ADK: variants seen among roughly 807,000 people sequenced by gnomAD.
ADK encodes N6,N6-dimethyladenosine kinase.
ADK carries 24 observed loss-of-function variants against 44.7 expected under a neutral mutation model. The ratio of observed to expected loss-of-function variants is 0.54; its 90% CI spans 0.39 to 0.76. The LOEUF (loss-of-function observed/expected upper bound fraction) is 0.76. Ranked by LOEUF, ADK falls within the 30% of genes least tolerant of loss-of-function variation. The probability of loss-of-function intolerance (pLI) is 0.00; values close to 1 mark genes in which losing one functional copy is unlikely to be tolerated. For synonymous variants in ADK, 128 were observed against 142.6 expected (o/e 0.90, Z 0.73); for missense variants, 321 against 425.1 (o/e 0.76, Z 2.15).
chr10:74,499,723 A>G (rs1003911828), intron 6 of ADK, among the ~76,000 whole-genome samples: 2 of 152,098 alleles, frequency 1.3e-5, no homozygotes, highest in Non-Finnish European at 2.9e-5. Context: ...CTCTTCAAGC[A>G]TGAAAAGTAG....
chr10:74,547,258 A>G (rs1849853875), intron 7 of ADK, among the ~76,000 whole-genome samples: 1 of 151,900 alleles, frequency 6.6e-6, no homozygotes, highest in South Asian at 2.1e-4. Flanking sequence ...TTTGTTTTCC[A>G]GGATCATGGA....
Position 74,634,947 on chromosome 10 carries a change from G to GA in ADK, c.877+34462dup, listed in dbSNP as rs538744532. ...GTGGACAGAGCAAGACTCCATCTCAGAAAAAAAACCCACAAAAACAGAGAA... is the reference window on the plus strand; with the variant it reads ...GTGGACAGAGCAAGACTCCATCTCAGAAAAAAAAACCCACAAAAACAGAGAA... On this transcript the variant is annotated intron_variant, in intron 9 of 10. Transcript: ENST00000539909. 3.6e-4 allele frequency among the ~76,000 whole-genome samples: 55 copies of GA among 151,638 alleles called. No individual in the cohort carries two copies. The East Asian group carries it at 6.0e-3, about 17-fold the overall frequency.
chr10:74,223,421 A>AG (rs1844401373), intron 2 of ADK, among the ~76,000 whole-genome samples: 1 of 152,194 alleles, frequency 6.6e-6, no homozygotes, highest in Non-Finnish European at 1.5e-5. Context: ...ATGAGATTTG[A>AG]GGGGGGTCAA....
intron 4 of ADK, among the ~76,000 whole-genome samples, chr10:74,340,633 GAATAGAGTCAAGAAATAACATA>G (rs1841552812): frequency 1.3e-5 from 2 of 152,088 alleles, no homozygotes; most frequent in Admixed American, 1.3e-4. Context: ...CTGGGCATCA[GAATAGAGTCAAGAAATAACATA>G]AATAGAAATT....
chr10:74,611,790 G>A (rs929155224), intron 9 of ADK, among the ~76,000 whole-genome samples: 3 of 152,022 alleles, frequency 2.0e-5, no homozygotes, highest in South Asian at 2.1e-4. Flanking sequence ...CTATGCTGCT[G>A]CAAAGGACAT....
At chr10:74,535,177 T>C (rs1849408826) in intron 7 of ADK, among the ~76,000 whole-genome samples, 1 of 152,152 alleles carries the variant, frequency 6.6e-6, no homozygotes. Flanking sequence ...AAGTTGAAAC[T>C]AGGCCAGGAA....
chr10:74,233,170 A>T (rs1844842016), intron 3 of ADK, among the ~76,000 whole-genome samples: 1 of 152,210 alleles, frequency 6.6e-6, no homozygotes, highest in Non-Finnish European at 1.5e-5. Flanking sequence ...CTATGATATT[A>T]AGAAATTTAT....
chr10:74,291,125 TAAACA>T (rs1847408675), intron 3 of ADK, among the ~76,000 whole-genome samples: 2 of 152,094 alleles, frequency 1.3e-5, no homozygotes, highest in South Asian at 4.1e-4. Context: ...CTCATAAAAA[TAAACA>T]AAAGAGGCTG....
chr10:74,528,472 A>T (rs1849147866), intron 7 of ADK, among the ~76,000 whole-genome samples: 1 of 151,994 alleles, frequency 6.6e-6, no homozygotes, highest in African/African-American at 2.4e-5. Context: ...ACTTAAAAAA[A>T]AAAAAAAGAC....
intron 6 of ADK, among the ~76,000 whole-genome samples, chr10:74,494,914 A>G (rs189814582): frequency 6.6e-6 from 1 of 152,340 alleles, no homozygotes; most frequent in East Asian, 1.9e-4. Context: ...AAGTGTCTCA[A>G]AGTATCTCTG....
chr10:74,531,671 C>T (rs747443366), intron 7 of ADK, among the ~76,000 whole-genome samples: 2 of 152,008 alleles, frequency 1.3e-5, no homozygotes, highest in Non-Finnish European at 1.5e-5. Context: ...GAAGCTAGGA[C>T]GACAGGTGCA....
intron 3 of ADK, among the ~76,000 whole-genome samples, chr10:74,225,967 C>A (rs536635400): frequency 6.6e-6 from 1 of 152,194 alleles, no homozygotes; most frequent in East Asian, 1.9e-4. Flanking sequence ...ATTAAAAATA[C>A]CAGAAATCTG....
In ADK at chr10:74,294,174, G is replaced by A. The variant is rs552885028; in HGVS notation, c.195-20493G>A. Among the ~76,000 whole-genome samples, 10 of 152,006 alleles carry A rather than the reference G, an allele frequency of 6.6e-5. No individual in the cohort carries two copies. The East Asian group carries it at 1.7e-3, about 26-fold the overall frequency. ...TCTCAGTTTATTTTTATATTCTACT[G>A]TTGATGATGAATATTTGGGTTGTTA... is the stretch of plus-strand genomic sequence containing the variant. On this transcript the variant is annotated intron_variant, in intron 3 of 10. Coordinates refer to ENST00000539909, the MANE Select transcript of ADK (RefSeq NM_006721.4).
At chr10:74,448,559 C>T (rs1845665319) in intron 6 of ADK, among the ~76,000 whole-genome samples, 1 of 151,986 alleles carries the variant, frequency 6.6e-6, no homozygotes, top group Non-Finnish European at 1.5e-5. Flanking sequence ...TAACCTTGCC[C>T]CAGGAAGATA....
intron 2 of ADK, among the ~76,000 whole-genome samples, chr10:74,223,050 C>T (rs1458275461): frequency 6.6e-6 from 1 of 151,910 alleles, no homozygotes; most frequent in East Asian, 1.9e-4. Flanking sequence ...GAATTTTAGG[C>T]CATTTTCTGT....
intron 6 of ADK, among the ~76,000 whole-genome samples, chr10:74,451,112 C>T (rs1845763281): frequency 1.7e-5 from 2 of 119,230 alleles, no homozygotes; most frequent in Admixed American, 9.8e-5. Context: ...TGAATTTGGC[C>T]TGAGATTCTA....
At chr10:74,155,725 T>C (rs577093965) in intron 1 of ADK, among the ~76,000 whole-genome samples, 6 of 152,136 alleles carry the variant, frequency 3.9e-5, no homozygotes, top group Admixed American at 1.3e-4. Flanking sequence ...AGACGGGGTT[T>C]AGTAGAGACG....
intron 6 of ADK, among the ~76,000 whole-genome samples, chr10:74,457,868 G>C (rs942967191): frequency 3.3e-5 from 5 of 152,102 alleles, no homozygotes; most frequent in African/African-American, 4.8e-5. Flanking sequence ...GGCCTGTCAG[G>C]GGGTAGGGGA....
At chr10:74,185,038 C>T (rs547571635) in intron 1 of ADK, among the ~76,000 whole-genome samples, 7 of 152,138 alleles carry the variant, frequency 4.6e-5, no homozygotes, top group East Asian at 3.9e-4. Flanking sequence ...TTTCCTCATC[C>T]GTTAAAAAGA....
Sources: allele counts gnomAD v4.1 joint callset (sites outside exome capture counted in the v4.1 genomes callset), GRCh38; gene constraint gnomAD v4.1.1; transcripts MANE v1.5; gene names NCBI Gene and HGNC (gene_info 2026-07-23, HGNC 2026-07-21).